SSR1: variants seen among roughly 807,000 people sequenced by gnomAD.
SSR1 encodes translocon-associated protein subunit alpha.
In SSR1, 13 loss-of-function variants were observed where a neutral mutation model predicts 36.1. The ratio of observed to expected loss-of-function variants is 0.36; its 90% CI spans 0.23 to 0.57. The LOEUF (loss-of-function observed/expected upper bound fraction) is 0.57. Among genes scored for constraint, SSR1 ranks in the 20% least tolerant of loss-of-function variants. SSR1 has a pLI of 0.81. For synonymous variants in SSR1, 113 were observed against 118.9 expected (o/e 0.95, Z 0.32); for missense variants, 291 against 338.5 (o/e 0.86, Z 1.10).
In SSR1 at chr6:7,312,538, T is replaced by C. The variant is rs74898762; in HGVS notation, c.79+504A>G. On this transcript the variant is annotated intron_variant, in intron 1 of 7. Coordinates refer to ENST00000244763, the MANE Select transcript of SSR1 (RefSeq NM_003144.5). ...CATTGAACAAGACACTCTGATGGCT[T>C]AGATGTGTAGAAAACAAGGGTTTTG... Among the ~76,000 whole-genome samples, 199 of 152,210 alleles carry C rather than the reference T, an allele frequency of 1.3e-3. 1 individual carries two copies. The highest frequency in any genetic ancestry group is 4.0e-3 in the African/African-American group (168 of 41,522).
intron 7 of SSR1, 41 bp downstream of exon 7, chr6:7,295,351 T>TA (rs1581629396): frequency 6.7e-7 from 1 of 1,495,488 alleles, no homozygotes. Flanking sequence ...AATTTCCACT[T>TA]AAGAGAAAAA....
At chr6:7,295,537 T>G in intron 6 of SSR1, 52 bp from the exon 7 acceptor site, 1 of 1,302,814 alleles carries the variant, frequency 7.7e-7, no homozygotes, top group Non-Finnish European at 1.1e-6. Flanking sequence ...ACCATTTACT[T>G]AATATTTTTT....
At chr6:7,293,721 G>T (rs996313195) in intron 7 of SSR1, among the ~76,000 whole-genome samples, 4 of 151,976 alleles carry the variant, frequency 2.6e-5, no homozygotes, top group Non-Finnish European at 5.9e-5. Flanking sequence ...GCCAAATATT[G>T]TATTTTTTAT....
chr6:7,290,186 T>C (rs543717847), intron 7 of SSR1, among the ~76,000 whole-genome samples: 1 of 152,356 alleles, frequency 6.6e-6, no homozygotes, highest in South Asian at 2.1e-4. Context: ...ACTTGGTTAT[T>C]GTACTGCTGA....
intron 2 of SSR1, among the ~76,000 whole-genome samples, chr6:7,303,865 T>C (rs1757992634): frequency 6.6e-6 from 1 of 152,110 alleles, no homozygotes; most frequent in Non-Finnish European, 1.5e-5. Flanking sequence ...CACATGCCTG[T>C]AATCCCAGCT....
chr6:7,292,948 T>C (rs568785658), intron 7 of SSR1, among the ~76,000 whole-genome samples: 1 of 152,134 alleles, frequency 6.6e-6, no homozygotes, highest in South Asian at 2.1e-4. Context: ...GAGAAAACAA[T>C]TTAAAAATGG....
chr6:7,285,367 C>CTG lies in SSR1; in HGVS notation c.*4496_*4497insCA, dbSNP rs1757526781. On this transcript the variant is annotated 3_prime_UTR_variant, in exon 8 of 8. Transcript: ENST00000244763. This position sits in a 1 kb window ranked among gnomAD's most constrained non-coding sequence, Gnocchi z 4.1. ...CTATTAAGCAAAATCCGTAATACAA[C>CTG]ACACCAGACAGAAGCCTTACCCTGT... The CTG allele has an allele frequency of 6.6e-6, 1 of 152,220 alleles. No homozygotes were observed. The highest frequency in any genetic ancestry group is 1.9e-4 in the East Asian group (1 of 5,196). The allele number at this position is 152,220 out of a possible 1,614,324, so 9.4% of individuals were successfully genotyped here. A position where few individuals can be genotyped will look rare whatever the true frequency, so the allele number is the denominator to read the frequency against.
intron 1 of SSR1, among the ~76,000 whole-genome samples, chr6:7,311,380 A>G (rs545778005): frequency 6.6e-6 from 1 of 152,374 alleles, no homozygotes; most frequent in Non-Finnish European, 1.5e-5. Flanking sequence ...AAACATGGGA[A>G]GGGAAGCGTG....
rs552950859 is a variant in SSR1 at position 7,304,896 on chromosome 6, C to A, written c.193-1259G>T. The stretch of plus-strand genomic sequence containing the variant: ...AAAGATTATCTCATAATTTTAAAAT[C>A]CTCCACCATCCAGCTCATGCACTTA... On this transcript the variant is annotated intron_variant, in intron 2 of 7. Transcript: ENST00000244763. Among the ~76,000 whole-genome samples, 9 of 152,288 alleles carry A rather than the reference C, an allele frequency of 5.9e-5. No homozygotes were observed. In the East Asian group the frequency reaches 1.4e-3, roughly 23 times the overall value.
In SSR1 at chr6:7,285,678, CA is replaced by C. The variant is rs61210009; in HGVS notation, c.*4185del. On this transcript the variant is annotated 3_prime_UTR_variant, in exon 8 of 8. Coordinates refer to ENST00000244763, the MANE Select transcript of SSR1 (RefSeq NM_003144.5). The surrounding 1 kb of genome is among the most constrained non-coding windows in gnomAD (Gnocchi z 4.1). ...TGGGCAATACAGTGAGACCCCATGT[CA>C]AAAAAAAAAAGAAAAAGAAAAAGAA... The C allele has an allele frequency of 0.6, 83,865 of 138,966 alleles. 23,744 individuals are homozygous for C. Among genetic ancestry groups the C allele is most frequent in the South Asian group, 0.69 (3,128 of 4,506 alleles). 8.6% of individuals were successfully genotyped at this position (138,966 alleles called of 1,614,324 possible).
Position 7,295,383 on chromosome 6 carries a change from A to C in SSR1, c.793+9T>G. On this transcript the variant is annotated intron_variant, in intron 7 of 7. Coordinates refer to ENST00000244763, the MANE Select transcript of SSR1 (RefSeq NM_003144.5). Reference sequence around the variant, plus strand: ...AAAACTTCCCAGCCAAGTCTGTAAGACTACTTACTGATTTGATTCAATGTT... The same window carrying C: ...AAAACTTCCCAGCCAAGTCTGTAAGCCTACTTACTGATTTGATTCAATGTT... 6.3e-7 allele frequency: 1 copy of C among 1,588,102 alleles called. No individual in the cohort carries two copies. Among genetic ancestry groups the C allele is most frequent in the Non-Finnish European group, 8.6e-7 (1 of 1,159,954 alleles).
chr6:7,309,495 T>A (rs1228381313), intron 2 of SSR1, among the ~76,000 whole-genome samples: 1 of 135,800 alleles, frequency 7.4e-6, no homozygotes, highest in African/African-American at 3.1e-5. Context: ...ATTCTAGATG[T>A]ACTATTGATA....
At chr6:7,298,039 C>A (rs758884070) in intron 5 of SSR1, 38 bp from the exon 6 acceptor site, 3 of 1,466,978 alleles carry the variant, frequency 2.0e-6, no homozygotes, top group Non-Finnish European at 2.9e-6. Flanking sequence ...GTCTTTAATT[C>A]AGAGGAAATA....
chr6:7,291,311 T>C (rs1246614571), intron 7 of SSR1, among the ~76,000 whole-genome samples: 1 of 151,956 alleles, frequency 6.6e-6, no homozygotes, highest in Non-Finnish European at 1.5e-5. Flanking sequence ...GGCAGGAGAA[T>C]CACTTGAACC....
At chr6:7,305,157 G>A (rs957706515) in intron 2 of SSR1, among the ~76,000 whole-genome samples, 4 of 152,166 alleles carry the variant, frequency 2.6e-5, no homozygotes, top group Non-Finnish European at 4.4e-5. Flanking sequence ...TGATTAATGG[G>A]TTTTGGAATA....
Position 7,287,656 on chromosome 6 carries a change from T to G in SSR1, c.*2208A>C, listed in dbSNP as rs1757585211. The G allele has an allele frequency of 6.6e-6, 1 of 152,552 alleles. No individual in the cohort carries two copies. The allele number at this position is 152,552 out of a possible 1,614,324, so 9.4% of individuals were successfully genotyped here. On this transcript the variant is annotated 3_prime_UTR_variant, in exon 8 of 8. Transcript: ENST00000244763. ...AGATCCTTAAAGTCATTTTACATAT[T>G]CTGAAACCAAGTTGTTCAAAAGATG...
In SSR1 at chr6:7,285,889, A is replaced by G. The variant is rs1235115135; in HGVS notation, c.*3975T>C. On this transcript the variant is annotated 3_prime_UTR_variant, in exon 8 of 8. Coordinates refer to ENST00000244763, the MANE Select transcript of SSR1 (RefSeq NM_003144.5). This position sits in a 1 kb window ranked among gnomAD's most constrained non-coding sequence, Gnocchi z 4.1. ...CCATGATTCTGTTCATCAAGGAGAC[A>G]TTTAAAGGTATGTCATTAACAGAAA... 1 of 152,224 alleles carries G rather than the reference A, an allele frequency of 6.6e-6. No homozygotes were observed. The highest frequency in any genetic ancestry group is 1.5e-5 in the Non-Finnish European group (1 of 68,046). 9.4% of individuals were successfully genotyped at this position (152,224 alleles called of 1,614,324 possible). A position where few individuals can be genotyped will look rare whatever the true frequency, so the allele number is the denominator to read the frequency against.
chr6:7,300,188 A>G (rs182342083), intron 4 of SSR1, among the ~76,000 whole-genome samples: 2 of 152,352 alleles, frequency 1.3e-5, no homozygotes, highest in East Asian at 3.9e-4. Context: ...CAGAAAAAAG[A>G]AAACTTGATT....
intron 1 of SSR1, among the ~76,000 whole-genome samples, chr6:7,312,275 TAAA>T (rs1313601383): frequency 3.5e-4 from 54 of 152,198 alleles, no homozygotes; most frequent in South Asian, 4.1e-4. Context: ...ATCTATGTAT[TAAA>T]AACACTCGAA....
Sources: gnomAD v4.1 joint callset for allele counts (sites outside exome capture counted in the v4.1 genomes callset) on GRCh38, gnomAD v4.1.1 for gene constraint, Gnocchi (gnomAD v3.1) non-coding constraint, MANE v1.5 for transcripts, NCBI Gene and HGNC (gene_info 2026-07-23, HGNC 2026-07-21) for gene names.